Variants in SPTBN1 observed in about 807,000 individuals in gnomAD.
SPTBN1 encodes spectrin beta chain, non-erythrocytic 1.
A neutral mutation model predicts 266.4 loss-of-function variants in SPTBN1; 32 were observed. The observed-to-expected ratio is 0.12, with a 90% CI of 0.09 to 0.16. The LOEUF (loss-of-function observed/expected upper bound fraction) is 0.16, where lower values mean the gene tolerates loss of function less well. Among genes scored for constraint, SPTBN1 ranks in the 10% least tolerant of loss-of-function variants. SPTBN1 has a pLI of 1.00. For synonymous variants in SPTBN1, 1,336 were observed against 1,162.2 expected, an observed-to-expected ratio of 1.15 and a Z score of -3.04; for missense variants, 2,296 against 3,067.1, an observed-to-expected ratio of 0.75 and a Z score of 5.94.
intron 10 of SPTBN1, among the ~76,000 whole-genome samples, chr2:54,624,018 C>T (rs1159761390): frequency 6.6e-6 from 1 of 152,242 alleles, no homozygotes; most frequent in Non-Finnish European, 1.5e-5. Flanking sequence ...TTTTAATCAT[C>T]ATGCCTATTA....
intron 16 of SPTBN1, 120 bp from the exon 17 acceptor site, chr2:54,632,446 A>C (rs984373718): frequency 1.1e-5 from 12 of 1,067,904 alleles, no homozygotes; most frequent in African/African-American, 3.2e-5. Context: ...GATGTGATTT[A>C]ATTATTTCAT....
chr2:54,645,456 G>A lies in SPTBN1; in HGVS notation c.4494+3G>A, dbSNP rs368073724. 6.2e-7 allele frequency: 1 copy of A among 1,613,786 alleles called. No homozygotes were observed. The highest frequency in any genetic ancestry group is 1.3e-5 in the African/African-American group (1 of 74,912). On this transcript the variant is annotated splice_donor_region_variant and intron_variant, in intron 21 of 35. Transcript: ENST00000356805. This position sits in a 1 kb window ranked among gnomAD's most constrained non-coding sequence, Gnocchi z 4.3. The stretch of plus-strand genomic sequence containing the variant: ...ACAGGGATGTGGAGGACGAGATCGT[G>A]AGTCGACCCCTACTGCACACATGGC...
intron 2 of SPTBN1, among the ~76,000 whole-genome samples, chr2:54,564,513 T>C (rs1439463178): frequency 6.6e-6 from 1 of 152,192 alleles, no homozygotes; most frequent in Non-Finnish European, 1.5e-5. Flanking sequence ...CGTGCAAACA[T>C]GTCTGGGATT....
At chr2:54,634,703 G>A (rs149779185) in intron 17 of SPTBN1, among the ~76,000 whole-genome samples, 6 of 152,276 alleles carry the variant, frequency 3.9e-5, no homozygotes, top group South Asian at 4.2e-4. Context: ...CCCGCTCCTC[G>A]AAACATCCTG....
intron 2 of SPTBN1, among the ~76,000 whole-genome samples, chr2:54,578,669 A>T (rs1674658165): frequency 6.6e-6 from 1 of 152,080 alleles, no homozygotes; most frequent in South Asian, 2.1e-4. Context: ...TCAGTGAGGC[A>T]AGTTATTTAT....
intron 2 of SPTBN1, among the ~76,000 whole-genome samples, chr2:54,535,674 G>A (rs538875817): frequency 6.6e-6 from 1 of 152,350 alleles, no homozygotes; most frequent in South Asian, 2.1e-4. Context: ...CCATAGTGCT[G>A]TGATTTTTAT....
At chr2:54,611,994 C>T (rs1012477619) in intron 3 of SPTBN1, among the ~76,000 whole-genome samples, 167 bp from the exon 4 acceptor site, 8 of 152,066 alleles carry the variant, frequency 5.3e-5, no homozygotes, top group Admixed American at 3.9e-4. Flanking sequence ...TTTCTGTGGC[C>T]GTTAGGTAAA....
chr2:54,608,697 CGCACGAGTGCGCGCAT>C (rs1553340041), intron 3 of SPTBN1, among the ~76,000 whole-genome samples: 1 of 151,142 alleles, frequency 6.6e-6, no homozygotes, highest in Non-Finnish European at 1.5e-5. Context: ...TGTGCATGCG[CGCACGAGTGCGCGCAT>C]GCACACACAC....
chr2:54,485,332 A>C (rs1173546079), intron 1 of SPTBN1, among the ~76,000 whole-genome samples: 2 of 147,126 alleles, frequency 1.4e-5, no homozygotes, highest in Non-Finnish European at 1.5e-5. Flanking sequence ...CTGCAATTGC[A>C]GGCACGCGCC....
chr2:54,527,181 C>T (rs1477577196), intron 2 of SPTBN1: 8 of 152,180 alleles, frequency 5.3e-5, no homozygotes, highest in Admixed American at 5.2e-4. Context: ...TAAAATTGCC[C>T]TGAAAATCAG....
chr2:54,509,451 T>C (rs1669740637), intron 1 of SPTBN1, among the ~76,000 whole-genome samples: 1 of 152,228 alleles, frequency 6.6e-6, no homozygotes, highest in African/African-American at 2.4e-5. Flanking sequence ...GAGCATAGTT[T>C]GTGATTTTGA....
Position 54,629,138 on chromosome 2 carries a change from A to G in SPTBN1, c.2004A>G (p.Lys668=), listed in dbSNP as rs1288137400. The G allele has an allele frequency of 2.5e-6, 4 of 1,613,520 alleles. No homozygotes were observed. The highest frequency in any genetic ancestry group is 3.4e-6 in the Non-Finnish European group (4 of 1,179,914). Residue 668 remains lysine, a synonymous_variant, in exon 14 of 36, where the codon AAA becomes AAG. Transcript: ENST00000356805. Reference sequence around the variant, plus strand: ...TCCTGTCCTCGGACGATTACGGGAAAGACCTGACCAGCGTCATGCGCCTGC... The same window carrying G: ...TCCTGTCCTCGGACGATTACGGGAAGGACCTGACCAGCGTCATGCGCCTGC... ...EKILSSDDYG[K]DLTSVMRLLS...
intron 1 of SPTBN1, among the ~76,000 whole-genome samples, chr2:54,521,854 T>C (rs1463674347): frequency 6.6e-6 from 1 of 152,116 alleles, no homozygotes; most frequent in Admixed American, 6.5e-5. Context: ...GTACACAGAC[T>C]AGTGGATAAT....
In SPTBN1 at chr2:54,631,468, C is replaced by G. The variant is rs1371716918; in HGVS notation, c.3421C>G (p.Arg1141Gly). 1.2e-6 allele frequency: 2 copies of G among 1,614,222 alleles called. No individual in the cohort carries two copies. The highest frequency in any genetic ancestry group is 4.5e-5 in the East Asian group (2 of 44,888). ...GQTDAQYMFL[R>G]QRLQALDTGW... is the part of the protein sequence containing the mutation. ...GACCGATGCCCAGTACATGTTTCTG[C>G]GGCAGCGGCTGCAGGCCCTGGACAC... The change falls in exon 16 of 36, where the codon CGG (arginine) becomes GGG (glycine). Residue 1141 changes from arginine to glycine, a missense_variant. Arg to Gly is a moderately radical substitution (Grantham distance 125). This residue lies in a region of SPTBN1 where 386 missense variants were observed against 486.1 expected (regional missense o/e 0.79). Transcript: ENST00000356805.
chr2:54,608,712 A>G (rs1012017667), intron 3 of SPTBN1, among the ~76,000 whole-genome samples: 1 of 151,464 alleles, frequency 6.6e-6, no homozygotes, highest in Non-Finnish European at 1.5e-5. Context: ...GAGTGCGCGC[A>G]TGCACACACA....
Position 54,632,959 on chromosome 2 carries a change from G to A in SPTBN1, c.3767+191G>A, listed in dbSNP as rs535906566. On this transcript the variant is annotated intron_variant, in intron 17 of 35. Transcript: ENST00000356805. ...CATGACTGCCTGAGAATGTGGGTCTGGTGAGACATGTACAAGTGTCCACAA... is the reference window on the plus strand; with the variant it reads ...CATGACTGCCTGAGAATGTGGGTCTAGTGAGACATGTACAAGTGTCCACAA... Among the ~76,000 whole-genome samples the A allele has an allele frequency of 6.6e-5, 10 of 152,304 alleles. No homozygotes were observed. In the East Asian group the frequency reaches 1.5e-3, roughly 23 times the overall value.
At chr2:54,602,644 T>C (rs1189586790) in intron 3 of SPTBN1, among the ~76,000 whole-genome samples, 1 of 152,196 alleles carries the variant, frequency 6.6e-6, no homozygotes, top group African/African-American at 2.4e-5. Flanking sequence ...GGTTTTTGCT[T>C]CCCTGTTGTT....
At chr2:54,507,529 T>C (rs547895252) in intron 1 of SPTBN1, among the ~76,000 whole-genome samples, 1 of 152,048 alleles carries the variant, frequency 6.6e-6, no homozygotes, top group Non-Finnish European at 1.5e-5. Flanking sequence ...ATAGAATGAT[T>C]GGTGATGGCC....
chr2:54,634,695 C>T (rs555223148), intron 17 of SPTBN1, among the ~76,000 whole-genome samples: 3 of 152,168 alleles, frequency 2.0e-5, no homozygotes, highest in Non-Finnish European at 2.9e-5. Context: ...ATATAATCCC[C>T]GCTCCTCGAA....
Sources: allele counts gnomAD v4.1 joint callset (sites outside exome capture counted in the v4.1 genomes callset), GRCh38; gene constraint gnomAD v4.1.1; regional missense constraint gnomAD v4.1.1; non-coding constraint Gnocchi (gnomAD v3.1); transcripts MANE v1.5; gene names NCBI Gene and HGNC (gene_info 2026-07-23, HGNC 2026-07-21).